Variants in MARCHF1 observed in about 807,000 individuals in gnomAD.
The protein encoded by MARCHF1 is membrane associated ring-CH-type finger 1.
Under a neutral mutation model 54.2 loss-of-function variants are expected in MARCHF1, and 40 were observed. The ratio of observed to expected loss-of-function variants is 0.74; its 90% CI spans 0.57 to 0.96. The LOEUF (loss-of-function observed/expected upper bound fraction) is 0.96. MARCHF1 is among the 40% of genes least tolerant of loss of function. The probability of loss-of-function intolerance (pLI) is 0.00; values close to 1 mark genes in which losing one functional copy is unlikely to be tolerated. For synonymous variants in MARCHF1, 236 were observed against 236.3 expected, an observed-to-expected ratio of 1.00 and a Z score of 0.01; for missense variants, 586 against 656.5, an observed-to-expected ratio of 0.89 and a Z score of 1.17.
At chr4:163,724,261 G>A (rs1745579361) in intron 4 of MARCHF1, among the ~76,000 whole-genome samples, 1 of 152,138 alleles carries the variant, frequency 6.6e-6, no homozygotes, top group African/African-American at 2.4e-5. Flanking sequence ...AGATGTTGGA[G>A]TTTGCTGGAG....
chr4:164,034,708 T>C lies in MARCHF1; in HGVS notation c.-247-45999A>G, dbSNP rs1271459310. Among the ~76,000 whole-genome samples, 47 of 152,130 alleles carry C rather than the reference T, an allele frequency of 3.1e-4. 1 individual carries two copies. The highest frequency in any genetic ancestry group is 3.1e-3 in the Admixed American group (47 of 15,262). On this transcript the variant is annotated intron_variant, in intron 2 of 9. Coordinates refer to ENST00000514618, the MANE Select transcript of MARCHF1 (RefSeq NM_001394959.1). ...TTGGAAATAACAGTTATAGTAAATA[T>C]CATGTAATACAAAAAACCTTATTTT...
chr4:164,327,813 C>T (rs553368337), intron 1 of MARCHF1, among the ~76,000 whole-genome samples: 2 of 152,232 alleles, frequency 1.3e-5, no homozygotes, highest in South Asian at 4.1e-4. Context: ...CTTTCCAGCT[C>T]GTGTAGTTTC....
At chr4:163,715,292 C>CTGGA (rs1745223533) in intron 4 of MARCHF1, among the ~76,000 whole-genome samples, 2 of 152,132 alleles carry the variant, frequency 1.3e-5, no homozygotes, top group Non-Finnish European at 2.9e-5. Flanking sequence ...GTCACCCAGG[C>CTGGA]TGGAGTACAG....
chr4:163,646,429 C>G (rs572199373), intron 5 of MARCHF1, among the ~76,000 whole-genome samples: 1 of 152,002 alleles, frequency 6.6e-6, no homozygotes, highest in African/African-American at 2.4e-5. Flanking sequence ...AATATGAAAA[C>G]ATATAAAAGT....
intron 3 of MARCHF1, among the ~76,000 whole-genome samples, chr4:163,933,371 GT>G (rs1272156241): frequency 6.6e-6 from 1 of 152,106 alleles, no homozygotes; most frequent in Non-Finnish European, 1.5e-5. Flanking sequence ...GGAATCATCT[GT>G]TTACAGTCTT....
intron 3 of MARCHF1, among the ~76,000 whole-genome samples, chr4:163,871,063 T>G (rs1750158348): frequency 6.6e-6 from 1 of 152,178 alleles, no homozygotes; most frequent in South Asian, 2.1e-4. Context: ...TATTATACAT[T>G]GTATACAGGT....
At chr4:163,548,985 C>G (rs972202065) in intron 8 of MARCHF1, among the ~76,000 whole-genome samples, 1 of 152,212 alleles carries the variant, frequency 6.6e-6, no homozygotes, top group Non-Finnish European at 1.5e-5. Context: ...TTCTGCTCCC[C>G]TGTCCTGCTT....
intron 3 of MARCHF1, among the ~76,000 whole-genome samples, chr4:163,874,451 A>G (rs1750246490): frequency 6.6e-6 from 1 of 152,214 alleles, no homozygotes; most frequent in Admixed American, 6.5e-5. Context: ...TGAGATTTGT[A>G]TTAGTGGGGA....
chr4:163,603,569 A>C (rs1741046496), intron 7 of MARCHF1, among the ~76,000 whole-genome samples: 1 of 152,076 alleles, frequency 6.6e-6, no homozygotes, highest in Non-Finnish European at 1.5e-5. Flanking sequence ...ATAAACAATG[A>C]GTAATTCTTT....
At chr4:163,841,800 T>C (rs1284504668) in intron 4 of MARCHF1, among the ~76,000 whole-genome samples, 1 of 152,122 alleles carries the variant, frequency 6.6e-6, no homozygotes, top group African/African-American at 2.4e-5. Flanking sequence ...TGAAAAGCTA[T>C]TTCATTTTTT....
Position 164,383,959 on chromosome 4 carries a change from C to A in MARCHF1, c.-412G>T, listed in dbSNP as rs1731452784. 1 of 152,208 alleles carries A rather than the reference C, an allele frequency of 6.6e-6. No homozygotes were observed. Among genetic ancestry groups the A allele is most frequent in the Non-Finnish European group, 1.5e-5 (1 of 68,092 alleles). The allele number at this position is 152,208 out of a possible 1,614,324, so 9.4% of individuals were successfully genotyped here. A position where few individuals can be genotyped will look rare whatever the true frequency, so the allele number is the denominator to read the frequency against. Reference sequence around the variant, plus strand: ...GCATTCTCCCATCCTTTGTCAGTTGCGGGTGGAGCGCTCCTCCCCAGCTAG... The same window carrying A: ...GCATTCTCCCATCCTTTGTCAGTTGAGGGTGGAGCGCTCCTCCCCAGCTAG... On this transcript the variant is annotated 5_prime_UTR_variant, in exon 1 of 10. Transcript: ENST00000514618.
At chr4:163,709,756 T>C (rs1229762163) in intron 4 of MARCHF1, among the ~76,000 whole-genome samples, 1 of 152,206 alleles carries the variant, frequency 6.6e-6, no homozygotes, top group Non-Finnish European at 1.5e-5. Flanking sequence ...TAACTAACCA[T>C]GTGATGGTAA....
intron 1 of MARCHF1, among the ~76,000 whole-genome samples, chr4:164,176,961 T>G (rs866916930): frequency 1.9e-5 from 1 of 53,108 alleles, no homozygotes; most frequent in East Asian, 4.3e-4. Flanking sequence ...TCTCTCTCTC[T>G]CTCTCTCTCT....
At chr4:163,661,966 C>A (rs1743357167) in intron 5 of MARCHF1, among the ~76,000 whole-genome samples, 1 of 152,078 alleles carries the variant, frequency 6.6e-6, no homozygotes, top group Admixed American at 6.6e-5. Flanking sequence ...TTGGAAATAA[C>A]TTTATTTCAA....
rs1157084358 is a variant in MARCHF1 at position 164,103,330 on chromosome 4, C to T, written c.-248+8258G>A. 1.6e-4 allele frequency among the ~76,000 whole-genome samples: 6 copies of T among 38,622 alleles called. 1 individual carries two copies. The highest frequency in any genetic ancestry group is 4.2e-4 in the African/African-American group (5 of 11,772). 25.3% of individuals were successfully genotyped at this position (38,622 alleles called of 152,430 possible). A position where few individuals can be genotyped will look rare whatever the true frequency, so the allele number is the denominator to read the frequency against. ...AATATACATTTTTTTCAGCACCACA[C>T]CACACCTATTCCAAAATTGACCACA... is the stretch of plus-strand genomic sequence containing the variant. On this transcript the variant is annotated intron_variant, in intron 2 of 9. Transcript: ENST00000514618.
intron 4 of MARCHF1, among the ~76,000 whole-genome samples, chr4:163,732,093 G>A (rs936212984): frequency 2.0e-5 from 3 of 151,842 alleles, no homozygotes; most frequent in Non-Finnish European, 4.4e-5. Context: ...TACTGAGAAG[G>A]AAAATCAATC....
intron 4 of MARCHF1, among the ~76,000 whole-genome samples, chr4:163,809,944 T>C (rs991673640): frequency 2.0e-5 from 3 of 152,174 alleles, no homozygotes; most frequent in African/African-American, 7.2e-5. Context: ...AAAACTTTTT[T>C]TTCCTGTCTT....
rs1234116281 is a variant in MARCHF1 at position 163,843,985 on chromosome 4, T to A, written c.111+10036A>T. Reference sequence around the variant, plus strand: ...TTTTTTTTCAATTTGTTTTCTTTTTTAAAAAACTTTTAACTTCAGGGGTAC... The same window carrying A: ...TTTTTTTTCAATTTGTTTTCTTTTTAAAAAAACTTTTAACTTCAGGGGTAC... On this transcript the variant is annotated intron_variant, in intron 4 of 9. Transcript: ENST00000514618. 4.6e-5 allele frequency among the ~76,000 whole-genome samples: 7 copies of A among 152,224 alleles called. No individual in the cohort carries two copies. The Middle Eastern group carries it at 0.01, about 222-fold the overall frequency.
intron 4 of MARCHF1, among the ~76,000 whole-genome samples, chr4:163,821,580 A>T (rs1748694044): frequency 6.6e-6 from 1 of 152,056 alleles, no homozygotes; most frequent in Non-Finnish European, 1.5e-5. Context: ...ATAAACAAAA[A>T]ATTAATCATA....
Sources: allele counts gnomAD v4.1 joint callset (sites outside exome capture counted in the v4.1 genomes callset), GRCh38; gene constraint gnomAD v4.1.1; transcripts MANE v1.5; gene names NCBI Gene and HGNC (gene_info 2026-07-23, HGNC 2026-07-21).